The following GALNTL6 variants were observed in gnomAD, a reference collection of about 807,000 sequenced individuals.
The protein encoded by GALNTL6 is polypeptide N-acetylgalactosaminyltransferase-like 6.
Under a neutral mutation model 73.7 loss-of-function variants are expected in GALNTL6, and 46 were observed. The ratio of observed to expected loss-of-function variants is 0.62; its 90% CI spans 0.49 to 0.80. The LOEUF (loss-of-function observed/expected upper bound fraction) is 0.80, where lower values mean the gene tolerates loss of function less well. GALNTL6 is among the 30% of genes least tolerant of loss of function. The pLI is 0.00. For missense variants in GALNTL6, 604 were observed against 755.0 expected, an observed-to-expected ratio of 0.80 and a Z score of 2.34; for synonymous variants, 259 against 263.7, an observed-to-expected ratio of 0.98 and a Z score of 0.17.
At chr4:172,370,118 G>A (rs1419950954) in intron 5 of GALNTL6, among the ~76,000 whole-genome samples, 1 of 152,156 alleles carries the variant, frequency 6.6e-6, no homozygotes, top group African/African-American at 2.4e-5. Flanking sequence ...TGAAGAAGGG[G>A]CCCTGCAGTT....
intron 5 of GALNTL6, among the ~76,000 whole-genome samples, chr4:172,653,130 A>G (rs1740555207): frequency 6.6e-6 from 1 of 151,288 alleles, no homozygotes; most frequent in African/African-American, 2.4e-5. Flanking sequence ...TTAACCTTGT[A>G]TGTTGTTGAC....
At chr4:172,739,496 T>A (rs1487746902) in intron 5 of GALNTL6, among the ~76,000 whole-genome samples, 2 of 152,188 alleles carry the variant, frequency 1.3e-5, no homozygotes, top group African/African-American at 4.8e-5. Flanking sequence ...TGGGTTTTAT[T>A]TTTTAGCCTA....
At chr4:172,971,617 G>T (rs1404383365) in intron 10 of GALNTL6, among the ~76,000 whole-genome samples, 1 of 152,216 alleles carries the variant, frequency 6.6e-6, no homozygotes, top group Non-Finnish European at 1.5e-5. Flanking sequence ...AGACACTGGG[G>T]AGGATGGAAG....
Position 171,862,657 on chromosome 4 carries a change from A to G in GALNTL6, c.138+47939A>G, listed in dbSNP as rs565208768. Among the ~76,000 whole-genome samples, 41 of 152,212 alleles carry G rather than the reference A, an allele frequency of 2.7e-4. 1 individual carries two copies. The highest frequency in any genetic ancestry group is 1.9e-3 in the South Asian group (9 of 4,830). ...TATGCCTTATTAGAAAGTCGACTGC[A>G]TTTTATAAAGAATGTCATATTTTAT... On this transcript the variant is annotated intron_variant, in intron 2 of 12. Transcript: ENST00000506823.
intron 5 of GALNTL6, among the ~76,000 whole-genome samples, chr4:172,670,642 C>T (rs1408335867): frequency 3.9e-5 from 6 of 152,138 alleles, no homozygotes; most frequent in Non-Finnish European, 8.8e-5. Context: ...TGTGCAAAAG[C>T]ACTTTAGTTT....
intron 2 of GALNTL6, among the ~76,000 whole-genome samples, chr4:171,966,588 A>G (rs986575739): frequency 3.3e-5 from 5 of 152,160 alleles, no homozygotes; most frequent in Non-Finnish European, 5.9e-5. Flanking sequence ...GCTGGTGCTT[A>G]GGGAGGAAGG....
chr4:171,948,736 A>G (rs1738777527), intron 2 of GALNTL6, among the ~76,000 whole-genome samples: 2 of 152,046 alleles, frequency 1.3e-5, no homozygotes, highest in Admixed American at 1.3e-4. Flanking sequence ...CATAGCAAAC[A>G]TTTTCTCTTC....
intron 7 of GALNTL6, among the ~76,000 whole-genome samples, chr4:172,823,809 A>C (rs1417175678): frequency 6.6e-6 from 1 of 152,242 alleles, no homozygotes; most frequent in Non-Finnish European, 1.5e-5. Flanking sequence ...ACCATGAATG[A>C]AAATTAAAAT....
intron 2 of GALNTL6, among the ~76,000 whole-genome samples, chr4:171,907,893 A>G (rs1382804327): frequency 2.0e-5 from 3 of 151,900 alleles, no homozygotes; most frequent in South Asian, 2.1e-4. Flanking sequence ...AAGCAATGGG[A>G]AAAGGATTCC....
intron 2 of GALNTL6, among the ~76,000 whole-genome samples, chr4:172,028,411 C>T (rs530651711): frequency 6.6e-6 from 1 of 151,870 alleles, no homozygotes; most frequent in Non-Finnish European, 1.5e-5. Context: ...AATTGATTGT[C>T]TGGAATCTGA....
intron 5 of GALNTL6, among the ~76,000 whole-genome samples, chr4:172,428,211 G>A (rs1053115970): frequency 6.6e-6 from 1 of 152,074 alleles, no homozygotes; most frequent in South Asian, 2.1e-4. Context: ...TCACTGTTCA[G>A]TAATAACAGT....
intron 3 of GALNTL6, among the ~76,000 whole-genome samples, chr4:172,278,824 T>C (rs1359101705): frequency 6.6e-6 from 1 of 152,166 alleles, no homozygotes; most frequent in Non-Finnish European, 1.5e-5. Context: ...TCAAAACTTA[T>C]GACAAATCTG....
intron 5 of GALNTL6, among the ~76,000 whole-genome samples, chr4:172,767,450 G>A (rs912425035): frequency 7.2e-5 from 11 of 152,088 alleles, no homozygotes; most frequent in African/African-American, 2.2e-4. Flanking sequence ...CAAGCTGTGC[G>A]ACTCCCCACT....
chr4:172,590,223 TA>T (rs1737580988), intron 5 of GALNTL6, among the ~76,000 whole-genome samples: 2 of 152,184 alleles, frequency 1.3e-5, no homozygotes, highest in South Asian at 4.1e-4. Flanking sequence ...GATAGAGCAT[TA>T]ATATTGACTG....
At chr4:173,014,092 T>C (rs1752675762) in intron 11 of GALNTL6, among the ~76,000 whole-genome samples, 1 of 151,742 alleles carries the variant, frequency 6.6e-6, no homozygotes, top group Non-Finnish European at 1.5e-5. Context: ...AACAAAATTG[T>C]TACATGGGAA....
At chr4:172,957,743 G>A (rs927549761) in intron 10 of GALNTL6, among the ~76,000 whole-genome samples, 6 of 152,128 alleles carry the variant, frequency 3.9e-5, no homozygotes, top group South Asian at 2.1e-4. Flanking sequence ...AAATATTGAC[G>A]TGTAGTCCTT....
chr4:173,016,823 G>A (rs1411558073), intron 11 of GALNTL6, among the ~76,000 whole-genome samples: 1 of 152,188 alleles, frequency 6.6e-6, no homozygotes, highest in Non-Finnish European at 1.5e-5. Context: ...GAAGGGGCCA[G>A]GGGCAGAATG....
chr4:172,653,344 C>T (rs1480191418), intron 5 of GALNTL6, among the ~76,000 whole-genome samples: 9 of 151,716 alleles, frequency 5.9e-5, no homozygotes, highest in Admixed American at 2.0e-4. Flanking sequence ...CTCAGCCTCC[C>T]GAGTAGCTGG....
chr4:172,705,552 A>C (rs1178185366), intron 5 of GALNTL6, among the ~76,000 whole-genome samples: 3 of 150,434 alleles, frequency 2.0e-5, no homozygotes, highest in Non-Finnish European at 4.4e-5. Context: ...TCTCTTAGTA[A>C]TTTTCTCTGG....
Sources: allele counts gnomAD v4.1 joint callset (sites outside exome capture counted in the v4.1 genomes callset), GRCh38; gene constraint gnomAD v4.1.1; transcripts MANE v1.5; gene names NCBI Gene and HGNC (gene_info 2026-07-23, HGNC 2026-07-21).